DISP1: variants seen among roughly 807,000 people sequenced by gnomAD.
DISP1 encodes protein dispatched homolog 1.
Under a neutral mutation model 37.3 loss-of-function variants are expected in DISP1, and 30 were observed. The observed-to-expected ratio is 0.80, with a 90% CI of 0.60 to 1.09. DISP1 has a LOEUF of 1.09. Ranked by LOEUF, DISP1 falls within the 50% of genes least tolerant of loss-of-function variation. DISP1 has a pLI of 0.00. For synonymous variants in DISP1, 634 were observed against 690.2 expected (o/e 0.92, Z 1.28); for missense variants, 1,598 against 1,879.5 (o/e 0.85, Z 2.77).
At chr1:222,948,040 C>T (rs1446905888) in intron 3 of DISP1, among the ~76,000 whole-genome samples, 2 of 152,146 alleles carry the variant, frequency 1.3e-5, no homozygotes, top group Non-Finnish European at 2.9e-5. Flanking sequence ...TTTTCAGTTT[C>T]CTGGCTTGAG....
intron 1 of DISP1, among the ~76,000 whole-genome samples, chr1:222,843,209 G>A (rs922948739): frequency 1.3e-5 from 2 of 151,872 alleles, no homozygotes; most frequent in Non-Finnish European, 2.9e-5. Context: ...TTTAAGAAAT[G>A]CAGTGTTATC....
chr1:222,828,173 T>C (rs1015666909), intron 1 of DISP1, among the ~76,000 whole-genome samples: 1 of 152,210 alleles, frequency 6.6e-6, no homozygotes, highest in Non-Finnish European at 1.5e-5. Flanking sequence ...AGAAGAAATA[T>C]ATGCAGAATT....
chr1:222,992,348 T>C (rs922986296), intron 7 of DISP1, among the ~76,000 whole-genome samples: 2 of 152,224 alleles, frequency 1.3e-5, no homozygotes, highest in African/African-American at 2.4e-5. Context: ...TGAGTTTTCT[T>C]ATTTTAAGGA....
intron 1 of DISP1, among the ~76,000 whole-genome samples, chr1:222,820,198 T>G (rs527877206): frequency 9.4e-5 from 14 of 149,324 alleles, no homozygotes; most frequent in African/African-American, 3.4e-4. Flanking sequence ...TAAGGGAGTA[T>G]GAGTTGATTG....
At chr1:222,842,814 C>T (rs1572315135) in intron 1 of DISP1, among the ~76,000 whole-genome samples, 1 of 152,022 alleles carries the variant, frequency 6.6e-6, no homozygotes, top group South Asian at 2.1e-4. Flanking sequence ...CCTTTTCTTT[C>T]CTAATCTTAT....
At chr1:222,975,577 T>A (rs888563771) in intron 3 of DISP1, among the ~76,000 whole-genome samples, 8 of 152,346 alleles carry the variant, frequency 5.3e-5, no homozygotes, top group East Asian at 1.9e-4. Flanking sequence ...TTACCTTTTT[T>A]AAAAATTTCC....
chr1:222,830,055 G>T (rs1665357604), intron 1 of DISP1, among the ~76,000 whole-genome samples: 1 of 152,148 alleles, frequency 6.6e-6, no homozygotes, highest in Non-Finnish European at 1.5e-5. Context: ...GTGATGTTCA[G>T]TAATGACTAA....
intron 1 of DISP1, among the ~76,000 whole-genome samples, chr1:222,869,467 A>G (rs1321434903): frequency 6.6e-6 from 1 of 152,134 alleles, no homozygotes; most frequent in Non-Finnish European, 1.5e-5. Flanking sequence ...TGCTCTTGTT[A>G]TAAGTTTCTA....
At chr1:222,886,843 G>A (rs1670627972) in intron 1 of DISP1, among the ~76,000 whole-genome samples, 1 of 152,178 alleles carries the variant, frequency 6.6e-6, no homozygotes, top group South Asian at 2.1e-4. Context: ...TTACATAAGA[G>A]TTTTGAGAGA....
At chr1:222,839,412 T>C (rs1442311939) in intron 1 of DISP1, among the ~76,000 whole-genome samples, 1 of 152,286 alleles carries the variant, frequency 6.6e-6, no homozygotes, top group Non-Finnish European at 1.5e-5. Flanking sequence ...CCAAAAAGAT[T>C]AGGCACCACT....
chr1:222,921,906 CAT>C (rs1222360177), intron 1 of DISP1, among the ~76,000 whole-genome samples: 1 of 152,074 alleles, frequency 6.6e-6, no homozygotes, highest in Admixed American at 6.6e-5. Flanking sequence ...TAAAAAAAGA[CAT>C]GTGCTAAGTA....
chr1:222,831,057 A>G lies in DISP1; in HGVS notation c.-159+15979A>G, dbSNP rs1374062597. ...TTTGAATGCCTGTAATGTTTTAAAT[A>G]TATGTTTACTATTAAAATTGTTCCT... On this transcript the variant is annotated intron_variant, in intron 1 of 8. Coordinates refer to ENST00000675850, the MANE Select transcript of DISP1 (RefSeq NM_001377229.1). The G allele has an allele frequency of 2.0e-5, 3 of 152,322 alleles. No homozygotes were observed. In the South Asian group the frequency reaches 6.2e-4, roughly 32 times the overall value. The allele number at this position is 152,322 out of a possible 1,614,324, so 9.4% of individuals were successfully genotyped here.
chr1:222,838,839 G>A (rs761864203), intron 1 of DISP1, among the ~76,000 whole-genome samples: 5 of 152,046 alleles, frequency 3.3e-5, no homozygotes, highest in South Asian at 2.1e-4. Flanking sequence ...GTCTATTATT[G>A]TTTTATGGTT....
Position 222,943,589 on chromosome 1 carries a change from G to A in DISP1, c.509+257G>A, listed in dbSNP as rs1011774564. ...GCAAACTGGTTAGGAATATCTGCTA[G>A]ACCTTGAGTTATAAAATTCAACAAA... On this transcript the variant is annotated intron_variant, in intron 3 of 8. Coordinates refer to ENST00000675850, the MANE Select transcript of DISP1 (RefSeq NM_001377229.1). The A allele has an allele frequency of 5.5e-6, 3 of 546,294 alleles. No homozygotes were observed. The Admixed American group carries it at 1.0e-4, about 18-fold the overall frequency. 33.8% of individuals were successfully genotyped at this position (546,294 alleles called of 1,614,324 possible). A position where few individuals can be genotyped will look rare whatever the true frequency, so the allele number is the denominator to read the frequency against.
intron 1 of DISP1, among the ~76,000 whole-genome samples, chr1:222,873,239 A>G (rs944422453): frequency 6.6e-6 from 1 of 152,196 alleles, no homozygotes; most frequent in Non-Finnish European, 1.5e-5. Flanking sequence ...GCTGAAAAGA[A>G]TGTATATTCT....
At chr1:222,864,573 T>A (rs1669070312) in intron 1 of DISP1, among the ~76,000 whole-genome samples, 1 of 152,138 alleles carries the variant, frequency 6.6e-6, no homozygotes, top group African/African-American at 2.4e-5. Context: ...TAAGTAACAA[T>A]AAAATTGATC....
chr1:222,992,334 T>C (rs967168146), intron 7 of DISP1, among the ~76,000 whole-genome samples: 2 of 152,208 alleles, frequency 1.3e-5, no homozygotes, highest in African/African-American at 2.4e-5. Flanking sequence ...GAAAAAGTAA[T>C]GATTGAGTTT....
At chr1:222,815,831 A>T (rs148117928) in intron 1 of DISP1, among the ~76,000 whole-genome samples, 1 of 152,122 alleles carries the variant, frequency 6.6e-6, no homozygotes, top group Non-Finnish European at 1.5e-5. Flanking sequence ...TTCCCTTGTC[A>T]TGGGATGAAC....
At chr1:222,916,891 A>T (rs963944913) in intron 1 of DISP1, among the ~76,000 whole-genome samples, 1 of 152,174 alleles carries the variant, frequency 6.6e-6, no homozygotes, top group African/African-American at 2.4e-5. Flanking sequence ...ATACCATTGG[A>T]GGTTATAAGA....
Sources: gnomAD v4.1 joint callset for allele counts (sites outside exome capture counted in the v4.1 genomes callset) on GRCh38, gnomAD v4.1.1 for gene constraint, MANE v1.5 for transcripts, NCBI Gene and HGNC (gene_info 2026-07-23, HGNC 2026-07-21) for gene names.